ZMYM3: variants seen among roughly 807,000 people sequenced by gnomAD.
The protein encoded by ZMYM3 is zinc finger MYM-type containing 3, also known as zinc finger MYM-type protein 3.
In ZMYM3, 6 loss-of-function variants were observed where a neutral mutation model predicts 94.2. The ratio of observed to expected loss-of-function variants is 0.06; its 90% CI spans 0.03 to 0.13. ZMYM3 has a LOEUF of 0.13. Ranked by LOEUF, ZMYM3 falls within the 10% of genes least tolerant of loss-of-function variation. ZMYM3 has a pLI of 1.00. For missense variants in ZMYM3, 664 were observed against 1,132.6 expected (o/e 0.59, Z 5.94); for synonymous variants, 420 against 426.5 (o/e 0.98, Z 0.19).
intron 18 of ZMYM3, 116 bp downstream of exon 18, chrX:71,245,223 G>A (rs774524368): frequency 4.1e-5 from 42 of 1,022,323 alleles, no homozygotes; most frequent in Non-Finnish European, 5.1e-5. Context: ...AGAACCTTCC[G>A]TCTTAGAATC....
In ZMYM3 at chrX:71,241,331, T is replaced by G. The variant is rs765545555; in HGVS notation, c.3816A>C (p.Gly1272=). Residue 1272 remains glycine, a synonymous_variant, in exon 24 of 25, where the codon GGA becomes GGC. Transcript: ENST00000314425. The part of the protein sequence containing the change: ...RQRKGRDTGP[G]KRKREDEAPI... The stretch of plus-strand genomic sequence containing the variant: ...GGGCTTCATCTTCTCTCTTCCGTTT[T>G]CCAGGACCCGTGTCTATAGGGGAGG... 5.0e-6 allele frequency: 6 copies of G among 1,196,347 alleles called. No homozygotes were observed. The highest frequency in any genetic ancestry group is 6.8e-6 in the Non-Finnish European group (6 of 888,013).
intron 18 of ZMYM3, 63 bp downstream of exon 18, chrX:71,245,276 C>T: frequency 2.6e-6 from 3 of 1,168,274 alleles, no homozygotes; most frequent in Non-Finnish European, 3.5e-6. Context: ...ACACAAGGGA[C>T]ACTCCCTTCC....
chrX:71,244,436 G>C lies in ZMYM3; in HGVS notation c.3146C>G (p.Ser1049Cys), dbSNP rs1170474821. 8.3e-7 allele frequency: 1 copy of C among 1,209,624 alleles called. No individual in the cohort carries two copies. Among genetic ancestry groups the C allele is most frequent in the Non-Finnish European group, 1.1e-6 (1 of 895,165 alleles). Residue 1049 changes from serine (S) to cysteine (C), a missense_variant, in exon 20 of 25, where the codon TCC (serine) becomes TGC (cysteine). Coordinates refer to ENST00000314425, the MANE Select transcript of ZMYM3 (RefSeq NM_201599.3). ...QKRLVLSESC[S>C]RDSMSSQPSC... Reference sequence around the variant, plus strand: ...AGGCTGACTGCTCATGGAGTCCCGGGAGCAGCTTTCGGAAAGCACCAGCCG... The same window carrying C: ...AGGCTGACTGCTCATGGAGTCCCGGCAGCAGCTTTCGGAAAGCACCAGCCG...
chrX:71,250,436 T>C lies in ZMYM3; in HGVS notation c.1069A>G (p.Lys357Glu), dbSNP rs1291048771. 8.3e-7 allele frequency: 1 copy of C among 1,206,201 alleles called. No homozygotes were observed. Among genetic ancestry groups the C allele is most frequent in the South Asian group, 1.8e-5 (1 of 55,996 alleles). Residue 357 changes from lysine (K) to glutamate (E), a missense_variant, in exon 5 of 25, where the codon AAG becomes GAG. Physicochemically the swap from Lys to Glu is moderately conservative, Grantham distance 56 (BLOSUM62 1). Transcript: ENST00000314425. ...GCCCCCAAGACCCTCACGCACTTCT[T>C]GCAGAAGGTACAGGTCTTTTTGCCC... ...PSGKKTCTFC[K>E]KEIWNTKDSV... is the part of the protein sequence containing the mutation.
Position 71,246,652 on chromosome X carries a change from G to C in ZMYM3, c.2355C>G (p.Thr785=). 1 of 1,211,473 alleles carries C rather than the reference G, an allele frequency of 8.3e-7. No homozygotes were observed. Among genetic ancestry groups the C allele is most frequent in the Non-Finnish European group, 1.1e-6 (1 of 895,430 alleles). ...PESKPQTPSQ[T]KVENSNTVRT... ...TCACTGTGTTGCTGTTCTCCACTTT[G>C]GTTTGAGAGGGTGTCTGGGGTTTTG... The change falls in exon 14 of 25, where the codon ACC becomes ACG. Residue 785 remains threonine, a synonymous_variant. Coordinates refer to ENST00000314425, the MANE Select transcript of ZMYM3 (RefSeq NM_201599.3).
At chrX:71,245,211 T>G in intron 18 of ZMYM3, 128 bp downstream of exon 18, 1 of 938,464 alleles carries the variant, frequency 1.1e-6, no homozygotes, top group Non-Finnish European at 1.4e-6. Flanking sequence ...CTGCTCCCTG[T>G]GAGAACCTTC....
intron 2 of ZMYM3, among the ~76,000 whole-genome samples, chrX:71,252,349 T>C (rs2030518727): frequency 9.1e-6 from 1 of 109,873 alleles, no homozygotes; most frequent in Non-Finnish European, 1.9e-5. Context: ...CCTCCCAACC[T>C]ACGCTCCCTG....
At chrX:71,255,085 T>TCTCC (rs2030692714), upstream of ZMYM3, 2 of 4,226 alleles carry the variant, frequency 4.7e-4, no homozygotes, top group African/African-American at 1.7e-3. Context: ...CCAGGGCTGA[T>TCTCC]CTCTCTCTCT....
intron 12 of ZMYM3, 78 bp downstream of exon 12, chrX:71,247,656 A>G: frequency 8.6e-7 from 1 of 1,158,303 alleles, no homozygotes; most frequent in Non-Finnish European, 1.2e-6. Context: ...AGATCTGTCC[A>G]CACCCCGAGC....
At position 71,247,808 on chromosome X, in the gene ZMYM3, C is replaced by T. The variant is rs2030250820; in HGVS notation, c.2074G>A (p.Glu692Lys). Reference sequence around the variant, plus strand: ...TCCCAGGTGCTGCCATCCAGTTGCTCGGTGACTCCGCGCTGGCAGGTCTGG... The same window carrying T: ...TCCCAGGTGCTGCCATCCAGTTGCTTGGTGACTCCGCGCTGGCAGGTCTGG... The part of the protein sequence containing the change: ...CSQTCQRGVT[E>K]QLDGSTWDFC... The change falls in exon 12 of 25, where the codon GAG becomes AAG. Residue 692 changes from glutamate to lysine, a missense_variant. Transcript: ENST00000314425. 4.1e-6 allele frequency: 5 copies of T among 1,211,685 alleles called. No homozygotes were observed. The highest frequency in any genetic ancestry group is 5.6e-6 in the Non-Finnish European group (5 of 895,420).
intron 4 of ZMYM3, 28 bp downstream of exon 4, chrX:71,251,150 A>G (rs2030447209): frequency 5.0e-6 from 6 of 1,201,726 alleles, no homozygotes; most frequent in Non-Finnish European, 6.7e-6. Context: ...CAGAACTCCC[A>G]GGTCACACTT....
At chrX:71,246,328 G>C (rs773110781) in intron 15 of ZMYM3, 25 bp downstream of exon 15, 2 of 1,210,385 alleles carry the variant, frequency 1.7e-6, no homozygotes, top group Non-Finnish European at 1.1e-6. Flanking sequence ...AATACAGCCT[G>C]TGGCATCGAG....
At chrX:71,251,154 C>T in intron 4 of ZMYM3, 24 bp downstream of exon 4, 1 of 1,207,417 alleles carries the variant, frequency 8.3e-7, no homozygotes. Flanking sequence ...ACTCCCAGGT[C>T]ACACTTCCTC....
At chrX:71,244,709 A>G (rs776350623) in intron 19 of ZMYM3, 81 bp downstream of exon 19, 6 of 938,487 alleles carry the variant, frequency 6.4e-6, no homozygotes, top group Non-Finnish European at 9.0e-6. Flanking sequence ...AGGTCAAACT[A>G]TGGTTGCTGG....
intron 17 of ZMYM3, 31 bp downstream of exon 17, chrX:71,245,637 G>A: frequency 1.7e-5 from 21 of 1,200,005 alleles, no homozygotes; most frequent in Non-Finnish European, 2.1e-5. Flanking sequence ...GTAGCACCCT[G>A]TCTCCCTCGT....
At chrX:71,241,179 C>T (rs942209150) in intron 24 of ZMYM3, 48 bp downstream of exon 24, 1 of 1,177,290 alleles carries the variant, frequency 8.5e-7, no homozygotes, top group Non-Finnish European at 1.1e-6. Context: ...CAAAGTAGAT[C>T]CCTCGGGTCC....
intron 7 of ZMYM3, 30 bp downstream of exon 7, chrX:71,249,431 C>A (rs2030342116): frequency 8.5e-7 from 1 of 1,170,702 alleles, no homozygotes; most frequent in Non-Finnish European, 1.1e-6. Context: ...CCTTCCACAG[C>A]CCTCTAATGC....
At chrX:71,241,655 G>A (rs2029952871) in intron 23 of ZMYM3, among the ~76,000 whole-genome samples, 1 of 111,430 alleles carries the variant, frequency 9.0e-6, no homozygotes, top group African/African-American at 3.3e-5. Flanking sequence ...CTACTGCAAG[G>A]GTGGGCTTGC....
chrX:71,251,720 G>C (rs1008090820), intron 2 of ZMYM3, 119 bp from the exon 3 acceptor site: 3 of 1,064,632 alleles, frequency 2.8e-6, no homozygotes, highest in Admixed American at 3.9e-5. Context: ...GGGAAAACTC[G>C]AGTGCCTGTG....
Sources: gnomAD v4.1 joint callset for allele counts (sites outside exome capture counted in the v4.1 genomes callset) on GRCh38, gnomAD v4.1.1 for gene constraint, MANE v1.5 for transcripts, NCBI Gene and HGNC (gene_info 2026-07-23, HGNC 2026-07-21) for gene names.